Variants in PHF24 observed in about 807,000 individuals in gnomAD.
PHF24 encodes the protein Galpha inhibitory interacting protein.
In PHF24, 25 loss-of-function variants were observed where a neutral mutation model predicts 42.6. The ratio of observed to expected loss-of-function variants is 0.59; its 90% confidence interval spans 0.43 to 0.82. PHF24 has a LOEUF of 0.82. Among genes scored for constraint, PHF24 ranks in the 40% least tolerant of loss-of-function variants. The pLI, the probability that PHF24 is intolerant of heterozygous loss-of-function variation, is 0.00. For missense variants in PHF24, 470 were observed against 538.1 expected, an observed-to-expected ratio of 0.87 and a Z score of 1.25; for synonymous variants, 185 against 204.8, an observed-to-expected ratio of 0.90 and a Z score of 0.83.
At chr9:34,691,042 A>G in the PHF24 span, 2 of 1,508,096 alleles carry the variant, frequency 1.3e-6, no homozygotes, top group South Asian at 2.4e-5. Flanking sequence ...GACATTACCC[A>G]CTGCCAGCCC....
intron 1 of PHF24, among the ~76,000 whole-genome samples, chr9:34,970,617 C>T (rs1266959392): frequency 6.6e-6 from 1 of 152,198 alleles, no homozygotes; most frequent in African/African-American, 2.4e-5. Context: ...TTGTTCATGG[C>T]ACCTACTGAA....
At chr9:34,932,335 G>A in the PHF24 span, among the ~76,000 whole-genome samples, 4 of 152,210 alleles carry the variant, frequency 2.6e-5, no homozygotes, top group East Asian at 7.7e-4. Context: ...TGGAAAAGGG[G>A]GTTGAACTTT....
At chr9:34,713,894 A>AGAGGAGGAAATGAGTGTCAG in the PHF24 span, among the ~76,000 whole-genome samples, 1 of 152,116 alleles carries the variant, frequency 6.6e-6, no homozygotes, top group Admixed American at 6.5e-5. Flanking sequence ...AACCATAGGA[A>AGAGGAGGAAATGAGTGTCAG]GAGGAGGAAA....
chr9:34,875,950 A>ACTCTCTCTCTCTCTCTCTCTCT, the PHF24 span, among the ~76,000 whole-genome samples: 33 of 78,734 alleles, frequency 4.2e-4, 1 homozygote, highest in African/African-American at 9.5e-4. Context: ...ACACACACAC[A>ACTCTCTCTCTCTCTCTCTCTCT]CTCTCTCTCT....
At chr9:34,976,318 C>A in intron 4 of PHF24, 88 bp downstream of exon 4, 1 of 1,221,986 alleles carries the variant, frequency 8.2e-7, no homozygotes. Flanking sequence ...AAGGAGTGTT[C>A]CATATTTAGT....
At chr9:34,768,219 T>C in the PHF24 span, among the ~76,000 whole-genome samples, 4 of 152,200 alleles carry the variant, frequency 2.6e-5, no homozygotes, top group African/African-American at 9.6e-5. Context: ...TTATGGGCAA[T>C]GGGAAACACA....
the PHF24 span, chr9:34,834,539 G>T: frequency 6.4e-7 from 1 of 1,551,368 alleles, no homozygotes; most frequent in Non-Finnish European, 8.7e-7. Context: ...CAGCTTCCGG[G>T]CATGCTCCGG....
the PHF24 span, among the ~76,000 whole-genome samples, chr9:34,946,470 C>T: frequency 1.3e-5 from 2 of 152,134 alleles, no homozygotes; most frequent in African/African-American, 4.8e-5. Context: ...TTTCCAAACC[C>T]ATTTGAAGAT....
chr9:34,720,952 G>T, the PHF24 span, among the ~76,000 whole-genome samples: 1 of 152,060 alleles, frequency 6.6e-6, no homozygotes, highest in African/African-American at 2.4e-5. Context: ...TCCCGCTTTG[G>T]TTCTCCATAC....
the PHF24 span, chr9:34,889,727 C>T: frequency 5.0e-6 from 2 of 397,488 alleles, no homozygotes; most frequent in African/African-American, 4.1e-5. Context: ...AATTTTGACC[C>T]TGCAAATTTT....
the PHF24 span, chr9:34,725,411 T>A: frequency 8.4e-7 from 1 of 1,185,926 alleles, no homozygotes; most frequent in South Asian, 1.5e-5. Flanking sequence ...CTGCTGGATC[T>A]TCTGAGGCAG....
chr9:34,886,487 T>A, the PHF24 span, among the ~76,000 whole-genome samples: 1 of 152,198 alleles, frequency 6.6e-6, no homozygotes, highest in African/African-American at 2.4e-5. Context: ...CGCATCTTAA[T>A]TGACTGATTG....
At chr9:34,734,302 G>T in the PHF24 span, among the ~76,000 whole-genome samples, 6 of 152,200 alleles carry the variant, frequency 3.9e-5, no homozygotes, top group African/African-American at 1.4e-4. Context: ...GTAGCCCAGC[G>T]TGAGAATACA....
At chr9:34,826,752 G>A in the PHF24 span, among the ~76,000 whole-genome samples, 1 of 152,152 alleles carries the variant, frequency 6.6e-6, no homozygotes, top group Non-Finnish European at 1.5e-5. Flanking sequence ...ATGACATGTT[G>A]TTACCTGAGT....
chr9:34,700,993 C>T, the PHF24 span, among the ~76,000 whole-genome samples: 1 of 152,146 alleles, frequency 6.6e-6, no homozygotes, highest in African/African-American at 2.4e-5. Flanking sequence ...TTTCTGACCA[C>T]AGGTACAGAG....
At chr9:34,724,233 T>C in the PHF24 span, 78 of 1,551,516 alleles carry the variant, frequency 5.0e-5, no homozygotes, top group East Asian at 1.8e-3. Flanking sequence ...TGGGCCTCTG[T>C]CATGTCCCCA....
chr9:34,917,528 A>G, the PHF24 span: 2 of 774,916 alleles, frequency 2.6e-6, no homozygotes, highest in Non-Finnish European at 4.8e-6. Flanking sequence ...GCACACCTGT[A>G]AACGGATAAT....
the PHF24 span, among the ~76,000 whole-genome samples, chr9:34,767,527 T>G: frequency 6.6e-6 from 1 of 152,234 alleles, no homozygotes; most frequent in African/African-American, 2.4e-5. Context: ...GATATAGTCT[T>G]CTGGTGTGCC....
At chr9:34,879,553 G>A in the PHF24 span, among the ~76,000 whole-genome samples, 13 of 152,280 alleles carry the variant, frequency 8.5e-5, no homozygotes, top group South Asian at 2.1e-4. Context: ...ACTACGTGAC[G>A]TGTGCACAAG....
Sources: gnomAD v4.1 joint callset for allele counts (sites outside exome capture counted in the v4.1 genomes callset) on GRCh38, gnomAD v4.1.1 for gene constraint, MANE v1.5 for transcripts, NCBI Gene and HGNC (gene_info 2026-07-23, HGNC 2026-07-21) for gene names.